Variants in DCN observed in about 807,000 individuals in gnomAD.
DCN encodes the protein decorin.
Under a neutral mutation model 36.5 loss-of-function variants are expected in DCN, and 17 were observed. The observed-to-expected ratio is 0.47, with a 90% CI of 0.32 to 0.70. The LOEUF is 0.70. Among genes scored for constraint, DCN ranks in the 30% least tolerant of loss-of-function variants. DCN has a pLI of 0.04. For synonymous variants in DCN, 163 were observed against 161.4 expected (o/e 1.01, Z -0.07); for missense variants, 389 against 430.1 (o/e 0.90, Z 0.84).
At chr12:91,150,314 T>C (rs1881320717) in intron 7 of DCN, among the ~76,000 whole-genome samples, 1 of 152,220 alleles carries the variant, frequency 6.6e-6, no homozygotes, top group Non-Finnish European at 1.5e-5. Context: ...AAGAATATTA[T>C]TTCCAACAAA....
In DCN at chr12:91,164,623, C is replaced by A. The variant is rs749184678; in HGVS notation, c.306G>T (p.Lys102Asn). 3 of 1,601,910 alleles carry A rather than the reference C, an allele frequency of 1.9e-6. No homozygotes were observed. ...TTCTTACGTGAAGGTTCTTCAGGTTCTTAAAGTCTCCATCTTTGATTTCGG... is the reference window on the plus strand; with the variant it reads ...TTCTTACGTGAAGGTTCTTCAGGTTATTAAAGTCTCCATCTTTGATTTCGG... ...KITEIKDGDF[K>N]NLKNLHALIL... The change falls in exon 3 of 8, where the codon AAG becomes AAT. Residue 102 changes from lysine to asparagine, a missense_variant. Lys to Asn is a moderately conservative substitution (Grantham distance 94). Coordinates refer to ENST00000052754, the MANE Select transcript of DCN (RefSeq NM_001920.5).
intron 7 of DCN, 98 bp from the exon 8 acceptor site, chr12:91,146,350 A>AAT: frequency 1.6e-4 from 80 of 507,998 alleles, no homozygotes; most frequent in Non-Finnish European, 2.3e-4. Flanking sequence ...TTAATCCTTC[A>AAT]CTTTTTTTTT....
intron 1 of DCN, chr12:91,179,858 T>C (rs1883498204): frequency 6.6e-6 from 1 of 152,174 alleles, no homozygotes; most frequent in Non-Finnish European, 1.5e-5. Context: ...TATGGAAAAT[T>C]CTGATTTTTA....
At chr12:91,167,952 G>T (rs1882693044) in intron 2 of DCN, among the ~76,000 whole-genome samples, 1 of 152,044 alleles carries the variant, frequency 6.6e-6, no homozygotes, top group Non-Finnish European at 1.5e-5. Flanking sequence ...CGATTCTCCT[G>T]CCTCAGTAGC....
At position 91,151,838 on chromosome 12, in the gene DCN, CT is replaced by C. The variant is rs757409953; in HGVS notation, c.747-47del. The stretch of plus-strand genomic sequence containing the variant: ...GAAAGCAAACACCACACATGGATGC[CT>C]TTCTTACAAGCATTGTGTAGTTAAT... On this transcript the variant is annotated intron_variant, in intron 6 of 7. Coordinates refer to ENST00000052754, the MANE Select transcript of DCN (RefSeq NM_001920.5). 3.1e-6 allele frequency: 5 copies of C among 1,610,922 alleles called. No homozygotes were observed. The African/African-American group carries it at 6.7e-5, about 22-fold the overall frequency.
chr12:91,176,206 A>C (rs1256374690), intron 2 of DCN: 1 of 152,100 alleles, frequency 6.6e-6, no homozygotes, highest in East Asian at 1.9e-4. Context: ...TAAATTTTAA[A>C]ATATTGAAAA....
intron 1 of DCN, among the ~76,000 whole-genome samples, chr12:91,181,899 C>G (rs193271467): frequency 7.0e-6 from 1 of 142,464 alleles, no homozygotes; most frequent in Non-Finnish European, 1.5e-5. Flanking sequence ...GAAACAGCAA[C>G]AGGAAAAAAA....
At chr12:91,157,281 A>G in intron 4 of DCN, 93 bp from the exon 5 acceptor site, 3 of 866,308 alleles carry the variant, frequency 3.5e-6, no homozygotes, top group Non-Finnish European at 5.9e-6. Flanking sequence ...CTATAAAGAA[A>G]TAGGGATTAA....
At chr12:91,181,440 G>C (rs1868398526) in intron 1 of DCN, among the ~76,000 whole-genome samples, 1 of 151,976 alleles carries the variant, frequency 6.6e-6, no homozygotes, top group South Asian at 2.1e-4. Context: ...TGTCCAAGTA[G>C]TAACCAAAGA....
chr12:91,169,280 T>G (rs1297481218), intron 2 of DCN, among the ~76,000 whole-genome samples: 1 of 143,996 alleles, frequency 6.9e-6, no homozygotes, highest in Non-Finnish European at 1.5e-5. Context: ...TCCCATCTAC[T>G]CGGGAAGGAG....
chr12:91,181,026 G>T (rs943582592), intron 1 of DCN: 1 of 152,080 alleles, frequency 6.6e-6, no homozygotes, highest in Non-Finnish European at 1.5e-5. Context: ...GTTTACTCCT[G>T]TTAAAATGGT....
chr12:91,168,049 T>A (rs1882698900), intron 2 of DCN, among the ~76,000 whole-genome samples: 1 of 152,090 alleles, frequency 6.6e-6, no homozygotes, highest in Admixed American at 6.5e-5. Flanking sequence ...GCCAGGATGG[T>A]CTCGATCTCC....
chr12:91,151,063 G>A (rs1218883733), intron 7 of DCN: 1 of 154,920 alleles, frequency 6.5e-6, no homozygotes, highest in Non-Finnish European at 1.4e-5. Context: ...CGGACACAGA[G>A]AGGGTAACAA....
At chr12:91,163,131 C>T (rs1882268214) in intron 3 of DCN, among the ~76,000 whole-genome samples, 1 of 152,192 alleles carries the variant, frequency 6.6e-6, no homozygotes, top group Non-Finnish European at 1.5e-5. Flanking sequence ...AAGACCACAT[C>T]ACACTCATTC....
At chr12:91,155,235 C>A (rs1027945955) in intron 5 of DCN, among the ~76,000 whole-genome samples, 1 of 152,132 alleles carries the variant, frequency 6.6e-6, no homozygotes, top group African/African-American at 2.4e-5. Flanking sequence ...ATTTTCTTTA[C>A]CTGTTTAAGC....
intron 4 of DCN, among the ~76,000 whole-genome samples, chr12:91,157,400 G>T (rs1353270452): frequency 1.3e-5 from 2 of 152,062 alleles, no homozygotes; most frequent in East Asian, 1.9e-4. Flanking sequence ...AACAGACAAT[G>T]ACTTATGAAT....
At chr12:91,164,110 G>A (rs1159093647) in intron 3 of DCN, among the ~76,000 whole-genome samples, 5 of 151,930 alleles carry the variant, frequency 3.3e-5, no homozygotes, top group South Asian at 4.2e-4. Context: ...GTAAACTATC[G>A]CAAGAACAAA....
intron 3 of DCN, among the ~76,000 whole-genome samples, chr12:91,162,221 G>A (rs1049838549): frequency 1.3e-5 from 2 of 152,140 alleles, no homozygotes. Context: ...TTACAGGCAT[G>A]AGCCACTGCA....
Position 91,148,831 on chromosome 12 carries a change from C to A in DCN, c.886-2579G>T, listed in dbSNP as rs143027685. Among the ~76,000 whole-genome samples the A allele has an allele frequency of 1.6e-3, 239 of 149,084 alleles. 1 individual carries two copies. Among genetic ancestry groups the A allele is most frequent in the Admixed American group, 9.1e-3 (136 of 14,934 alleles). On this transcript the variant is annotated intron_variant, in intron 7 of 7. Transcript: ENST00000052754. ...CTTTGTTTTTGTAAGGGCTGAAAAG[C>A]GAATTAGTAGATGTCATATAAAAAC...
Sources: allele counts gnomAD v4.1 joint callset (sites outside exome capture counted in the v4.1 genomes callset), GRCh38; gene constraint gnomAD v4.1.1; transcripts MANE v1.5; gene names NCBI Gene and HGNC (gene_info 2026-07-23, HGNC 2026-07-21).